HELQ: variants seen among roughly 807,000 people sequenced by gnomAD.
HELQ encodes the protein helicase POLQ-like.
In HELQ, 77 loss-of-function variants were observed where a neutral mutation model predicts 111.6. The observed-to-expected ratio is 0.69, with a 90% CI of 0.57 to 0.83. The LOEUF is 0.83. Ranked by LOEUF, HELQ falls within the 40% of genes least tolerant of loss-of-function variation. HELQ has a pLI of 0.00. For synonymous variants in HELQ, 438 were observed against 454.7 expected (o/e 0.96, Z 0.47); for missense variants, 1,200 against 1,288.5 (o/e 0.93, Z 1.05).
chr4:83,433,823 A>G (rs1720296188), intron 9 of HELQ, among the ~76,000 whole-genome samples: 1 of 151,920 alleles, frequency 6.6e-6, no homozygotes, highest in African/African-American at 2.4e-5. Flanking sequence ...CTCTACTAAA[A>G]ACACAAAAAC....
At chr4:83,421,857 AG>A in intron 14 of HELQ, 121 bp from the exon 15 acceptor site, 1 of 708,284 alleles carries the variant, frequency 1.4e-6, no homozygotes, top group South Asian at 1.7e-5. Flanking sequence ...ATAATTCCAT[AG>A]AAACAAAACT....
At chr4:83,446,631 C>T (rs1436752645) in intron 4 of HELQ, among the ~76,000 whole-genome samples, 1 of 152,098 alleles carries the variant, frequency 6.6e-6, no homozygotes, top group Non-Finnish European at 1.5e-5. Context: ...TACACACATA[C>T]GTGTTCACAC....
intron 7 of HELQ, among the ~76,000 whole-genome samples, chr4:83,440,935 TAAA>T (rs1263727865): frequency 6.6e-6 from 1 of 152,238 alleles, no homozygotes; most frequent in Admixed American, 6.5e-5. Context: ...ATTTCATTCT[TAAA>T]TAACCACAAC....
intron 11 of HELQ, among the ~76,000 whole-genome samples, 200 bp from the exon 12 acceptor site, chr4:83,429,946 T>C (rs959897193): frequency 6.6e-6 from 1 of 152,182 alleles, no homozygotes; most frequent in Admixed American, 6.5e-5. Flanking sequence ...ATAGTTATTA[T>C]ATTCATGCTT....
chr4:83,435,307 G>T (rs1720388658), intron 9 of HELQ, among the ~76,000 whole-genome samples: 1 of 151,956 alleles, frequency 6.6e-6, no homozygotes, highest in Non-Finnish European at 1.5e-5. Context: ...TGACAAAATT[G>T]GGAGGTTAAA....
intron 8 of HELQ, among the ~76,000 whole-genome samples, chr4:83,437,641 T>C (rs1720535138): frequency 6.6e-6 from 1 of 151,558 alleles, no homozygotes; most frequent in Non-Finnish European, 1.5e-5. Flanking sequence ...TATAACTATT[T>C]ACATAAATAC....
At chr4:83,447,942 G>C (rs1387030450) in intron 3 of HELQ, among the ~76,000 whole-genome samples, 6 of 151,912 alleles carry the variant, frequency 3.9e-5, no homozygotes, top group Non-Finnish European at 8.8e-5. Flanking sequence ...GGGCACAGTG[G>C]CTCACACCTG....
chr4:83,436,755 G>A, intron 9 of HELQ, 103 bp downstream of exon 9: 1 of 1,228,968 alleles, frequency 8.1e-7, no homozygotes, highest in Non-Finnish European at 1.1e-6. Context: ...AAGAACATTT[G>A]ATAAATTCTC....
intron 8 of HELQ, among the ~76,000 whole-genome samples, chr4:83,438,051 C>T (rs1720556389): frequency 6.6e-6 from 1 of 152,052 alleles, no homozygotes; most frequent in South Asian, 2.1e-4. Context: ...ATTGTAAAAG[C>T]AGACTGTTAC....
At chr4:83,439,017 C>G (rs888445085) in intron 8 of HELQ, among the ~76,000 whole-genome samples, 4 of 152,058 alleles carry the variant, frequency 2.6e-5, no homozygotes, top group Non-Finnish European at 4.4e-5. Flanking sequence ...GAATCACTGA[C>G]CTAATATTAC....
Position 83,453,213 on chromosome 4 carries a change from T to A in HELQ, c.1012+18A>T. Reference sequence around the variant, plus strand: ...AATGATAGGAAAAAAATTTTTTTATTCCAGCAAAAAGCATTACCATATAAT... The same window carrying A: ...AATGATAGGAAAAAAATTTTTTTATACCAGCAAAAAGCATTACCATATAAT... On this transcript the variant is annotated intron_variant, in intron 2 of 17. Transcript: ENST00000295488. 6.5e-7 allele frequency: 1 copy of A among 1,540,252 alleles called. No individual in the cohort carries two copies. Among genetic ancestry groups the A allele is most frequent in the Non-Finnish European group, 8.8e-7 (1 of 1,134,298 alleles).
intron 9 of HELQ, among the ~76,000 whole-genome samples, chr4:83,432,858 G>T (rs1468074164): frequency 6.6e-6 from 1 of 151,858 alleles, no homozygotes; most frequent in Non-Finnish European, 1.5e-5. Context: ...ACCAGCTTGG[G>T]CAATATAGTG....
chr4:83,440,171 T>C (rs112174562), intron 7 of HELQ, among the ~76,000 whole-genome samples, 163 bp from the exon 8 acceptor site: 187 of 152,260 alleles, frequency 1.2e-3, no homozygotes, highest in African/African-American at 4.4e-3. Context: ...ATATTAAACA[T>C]CAAAATGTTC....
intron 17 of HELQ, among the ~76,000 whole-genome samples, chr4:83,416,414 T>C (rs1244996347): frequency 6.6e-6 from 1 of 151,584 alleles, no homozygotes; most frequent in Non-Finnish European, 1.5e-5. Context: ...AGAAACAGAG[T>C]CTCATTATGT....
chr4:83,434,556 G>C (rs766522821), intron 9 of HELQ, among the ~76,000 whole-genome samples: 5 of 151,808 alleles, frequency 3.3e-5, no homozygotes, highest in Non-Finnish European at 5.9e-5. Flanking sequence ...TCGATGTCCT[G>C]GGCTCAAGCA....
intron 9 of HELQ, among the ~76,000 whole-genome samples, chr4:83,432,946 G>C (rs998406762): frequency 2.0e-5 from 3 of 152,046 alleles, no homozygotes; most frequent in African/African-American, 7.2e-5. Flanking sequence ...TGTAGTCCCA[G>C]ATACTTGGGA....
intron 5 of HELQ, among the ~76,000 whole-genome samples, chr4:83,444,477 T>C (rs1042584642): frequency 3.4e-5 from 4 of 116,286 alleles, no homozygotes; most frequent in Non-Finnish European, 6.6e-5. Context: ...ACCTCCTGGG[T>C]TCAAGCAGTT....
At chr4:83,411,486 C>T (rs995690833) in intron 17 of HELQ, among the ~76,000 whole-genome samples, 2 of 151,042 alleles carry the variant, frequency 1.3e-5, no homozygotes, top group Non-Finnish European at 2.9e-5. Context: ...CGCCTGTGGT[C>T]GCAGTTACTT....
chr4:83,416,639 G>T, intron 17 of HELQ, 92 bp downstream of exon 17: 3 of 1,196,316 alleles, frequency 2.5e-6, no homozygotes, highest in African/African-American at 1.5e-5. Context: ...AAACAGTTAT[G>T]CAATGTGAAA....
Sources: allele counts gnomAD v4.1 joint callset (sites outside exome capture counted in the v4.1 genomes callset), GRCh38; gene constraint gnomAD v4.1.1; transcripts MANE v1.5; gene names NCBI Gene and HGNC (gene_info 2026-07-23, HGNC 2026-07-21).